Variants in CPLANE1 observed in about 807,000 individuals in gnomAD.
The protein encoded by CPLANE1 is ciliogenesis and planar polarity effector 1.
A neutral mutation model predicts 362.5 loss-of-function variants in CPLANE1; 263 were observed. The ratio of observed to expected loss-of-function variants is 0.73; its 90% CI spans 0.66 to 0.80. The LOEUF (loss-of-function observed/expected upper bound fraction) is 0.80. Ranked by LOEUF, CPLANE1 falls within the 30% of genes least tolerant of loss-of-function variation. The pLI is 0.00. For synonymous variants in CPLANE1, 1,212 were observed against 1,302.6 expected (o/e 0.93, Z 1.50); for missense variants, 3,461 against 3,793.4 (o/e 0.91, Z 2.30).
At chr5:37,213,486 G>T in intron 16 of CPLANE1, 73 bp downstream of exon 16, 1 of 1,060,872 alleles carries the variant, frequency 9.4e-7, no homozygotes, top group East Asian at 2.7e-5. Flanking sequence ...AATGGCCTCT[G>T]TATAATATGT....
intron 21 of CPLANE1, among the ~76,000 whole-genome samples, chr5:37,193,773 C>G (rs932189923): frequency 2.0e-5 from 3 of 152,094 alleles, no homozygotes; most frequent in Non-Finnish European, 2.9e-5. Flanking sequence ...GGGTCTTGTT[C>G]TGCCGCCCGG....
intron 48 of CPLANE1, among the ~76,000 whole-genome samples, chr5:37,121,987 C>G (rs560613744): frequency 7.2e-5 from 11 of 151,862 alleles, no homozygotes; most frequent in Admixed American, 2.0e-4. Context: ...TCAAGCAATT[C>G]TCCTGCCTCA....
chr5:37,230,802 C>T, intron 9 of CPLANE1, 65 bp downstream of exon 9: 1 of 1,160,760 alleles, frequency 8.6e-7, no homozygotes, highest in Non-Finnish European at 1.1e-6. Context: ...TTTGAATACA[C>T]AGTAAAAGTA....
intron 43 of CPLANE1, among the ~76,000 whole-genome samples, chr5:37,145,625 G>T (rs928757266): frequency 6.6e-6 from 1 of 152,006 alleles, no homozygotes; most frequent in African/African-American, 2.4e-5. Flanking sequence ...ACCTATGAAT[G>T]TTAAAAATTC....
the CPLANE1 span, among the ~76,000 whole-genome samples, chr5:37,097,073 G>C: frequency 3.9e-5 from 6 of 152,084 alleles, no homozygotes; most frequent in Non-Finnish European, 5.9e-5. Flanking sequence ...ACACGGACAG[G>C]CATGGTGGCT....
chr5:37,196,852 G>C (rs549497054), intron 20 of CPLANE1, among the ~76,000 whole-genome samples: 19 of 152,110 alleles, frequency 1.2e-4, no homozygotes, highest in African/African-American at 4.6e-4. Context: ...TTAAACCCGG[G>C]AGCCGGAGGT....
chr5:37,114,766 G>C (rs755659830), intron 51 of CPLANE1, among the ~76,000 whole-genome samples, 194 bp downstream of exon 51: 6 of 151,990 alleles, frequency 3.9e-5, no homozygotes, highest in Admixed American at 6.6e-5. Flanking sequence ...CGGGCGCGGT[G>C]GTGGGCACCT....
chr5:37,225,590 G>A (rs888058502), intron 12 of CPLANE1, among the ~76,000 whole-genome samples: 8 of 152,080 alleles, frequency 5.3e-5, no homozygotes, highest in East Asian at 3.9e-4. Context: ...GGTGGCTCAC[G>A]CCTATAATCC....
At chr5:37,169,663 C>T in intron 33 of CPLANE1, 102 bp from the exon 34 acceptor site, 1 of 898,968 alleles carries the variant, frequency 1.1e-6, no homozygotes, top group Non-Finnish European at 1.7e-6. Flanking sequence ...AATGTAGTAA[C>T]TGCTAAAAAA....
Position 37,209,768 on chromosome 5 carries a change from C to T in CPLANE1, c.2921-3343G>A. 7.8e-7 allele frequency: 1 copy of T among 1,280,734 alleles called. No individual in the cohort carries two copies. Among genetic ancestry groups the T allele is most frequent in the Non-Finnish European group, 1.1e-6 (1 of 879,290 alleles). The allele number at this position is 1,280,734 out of a possible 1,614,324, so 79.3% of individuals were successfully genotyped here. A position where few individuals can be genotyped will look rare whatever the true frequency, so the allele number is the denominator to read the frequency against. ...TGGTTTCAGGAGCTGATAAAGAAAA[C>T]CAAAAAGGTTTTCTTATGCATTTTT... On this transcript the variant is annotated intron_variant, in intron 16 of 52. Coordinates refer to ENST00000651892, the MANE Select transcript of CPLANE1 (RefSeq NM_001384732.1). This position sits in a 1 kb window ranked among gnomAD's most constrained non-coding sequence, Gnocchi z 4.6.
chr5:37,186,779 G>C (rs560258933), intron 23 of CPLANE1, among the ~76,000 whole-genome samples: 2 of 152,236 alleles, frequency 1.3e-5, no homozygotes, highest in East Asian at 1.9e-4. Context: ...AGTCACTATA[G>C]CCCGGCGCGG....
At chr5:37,123,363 C>T (rs554183975) in intron 47 of CPLANE1, among the ~76,000 whole-genome samples, 2,546 of 152,244 alleles carry the variant, frequency 0.017, 70 homozygotes, top group African/African-American at 0.059. Flanking sequence ...GAAGTTGTCA[C>T]TAGCAAATTA....
rs370550452 is a variant in CPLANE1, at chr5:37,180,195, G to A, written c.5571-12C>T. ...CAGTTGGCATTCTACTGAAAAAAAT[G>A]CAGCAACTAAAATTACAACTATTCT... is the stretch of plus-strand genomic sequence containing the variant. On this transcript the variant is annotated splice_polypyrimidine_tract_variant and intron_variant, in intron 27 of 52. Coordinates refer to ENST00000651892, the MANE Select transcript of CPLANE1 (RefSeq NM_001384732.1). 1.7e-5 allele frequency: 25 copies of A among 1,430,548 alleles called. No homozygotes were observed. The African/African-American group carries it at 2.8e-4, about 16-fold the overall frequency. The allele number at this position is 1,430,548 out of a possible 1,614,324, so 88.6% of individuals were successfully genotyped here. A position where few individuals can be genotyped will look rare whatever the true frequency, so the allele number is the denominator to read the frequency against.
intron 51 of CPLANE1, among the ~76,000 whole-genome samples, chr5:37,114,418 A>G (rs187989084): frequency 6.6e-6 from 1 of 152,252 alleles, no homozygotes; most frequent in African/African-American, 2.4e-5. Context: ...TATAACTTGT[A>G]TTTTCCAGGT....
At chr5:37,133,005 C>G (rs1399051578) in intron 46 of CPLANE1, among the ~76,000 whole-genome samples, 3 of 152,192 alleles carry the variant, frequency 2.0e-5, no homozygotes. Context: ...AACCAGCTCT[C>G]TCACAACCTT....
In CPLANE1 at chr5:37,227,022, A is replaced by C. The variant is rs1371369898; in HGVS notation, c.1573T>G (p.Cys525Gly). 13 of 1,548,802 alleles carry C rather than the reference A, an allele frequency of 8.4e-6. No individual in the cohort carries two copies. Among genetic ancestry groups the C allele is most frequent in the Non-Finnish European group, 1.1e-5 (13 of 1,146,276 alleles). The change falls in exon 12 of 53, where the codon TGT becomes GGT. Residue 525 changes from cysteine (C) to glycine (G), a missense_variant. By Grantham distance (159) the Cys-to-Gly change is radical (BLOSUM62 -3). This residue lies in a region of CPLANE1 where 3,380 missense variants were observed against 3,666.1 expected (regional missense o/e 0.92). Transcript: ENST00000651892. ...TCATCTCTTTTGTTCCAAAAAGGAC[A>C]TAAGTTGTCTGGAAAGTGTCTGCCT... Reference protein sequence around the residue: ...NEGRHFPDNLCPFWNKRDDVL... With the variant: ...NEGRHFPDNLGPFWNKRDDVL...
chr5:37,107,757 C>T lies in CPLANE1; in HGVS notation c.9601G>A (p.Glu3201Lys). 6.2e-6 allele frequency: 10 copies of T among 1,610,302 alleles called. No individual in the cohort carries two copies. Among genetic ancestry groups the T allele is most frequent in the Non-Finnish European group, 8.5e-6 (10 of 1,178,104 alleles). The change falls in exon 53 of 53, where the codon GAA becomes AAA. Residue 3201 changes from glutamate to lysine, a missense_variant. Coordinates refer to ENST00000651892, the MANE Select transcript of CPLANE1 (RefSeq NM_001384732.1). ...ACCCCAAAAGGATGCTCTGGCTCTT[C>T]CTCTTCAGTTGGAGACAAGTCCTAT... ...LLQDLSPTEE[E>K]EPEHPFGVGG...
In CPLANE1 at chr5:37,107,547, G is replaced by GA; in HGVS notation, c.*54dup. Reference sequence around the variant, plus strand: ...GTCCCTTAAACCTGTTAATCTTTCAGAACCACATTACTGAGGTGCTGGCCT... The same window carrying GA: ...GTCCCTTAAACCTGTTAATCTTTCAGAAACCACATTACTGAGGTGCTGGCCT... On this transcript the variant is annotated 3_prime_UTR_variant, in exon 53 of 53. Transcript: ENST00000651892. The GA allele has an allele frequency of 1.4e-6, 2 of 1,447,232 alleles. No individual in the cohort carries two copies. Among genetic ancestry groups the GA allele is most frequent in the Non-Finnish European group, 1.8e-6 (2 of 1,091,578 alleles). 89.6% of individuals were successfully genotyped at this position (1,447,232 alleles called of 1,614,324 possible).
intron 34 of CPLANE1, among the ~76,000 whole-genome samples, chr5:37,168,211 CT>C (rs1404656257): frequency 8.2e-6 from 1 of 121,430 alleles, no homozygotes; most frequent in Non-Finnish European, 1.6e-5. Flanking sequence ...AATATATATG[CT>C]ACTAATCACA....
Sources: allele counts gnomAD v4.1 joint callset (sites outside exome capture counted in the v4.1 genomes callset), GRCh38; gene constraint gnomAD v4.1.1; regional missense constraint gnomAD v4.1.1; non-coding constraint Gnocchi (gnomAD v3.1); transcripts MANE v1.5; gene names NCBI Gene and HGNC (gene_info 2026-07-23, HGNC 2026-07-21).